PSG8: variants seen among roughly 807,000 people sequenced by gnomAD.
PSG8 encodes pregnancy-specific beta-1-glycoprotein 8.
In PSG8, 57 loss-of-function variants were observed where a neutral mutation model predicts 42.5. That is an observed-to-expected ratio of 1.34 (90% CI 1.08 to 1.67). The LOEUF is 1.67. PSG8 is among the 40% of genes most tolerant of loss of function. The probability of loss-of-function intolerance (pLI) is 0.00; values close to 1 mark genes in which losing one functional copy is unlikely to be tolerated. For synonymous variants in PSG8, 280 were observed against 196.8 expected (o/e 1.42, Z -3.54); for missense variants, 783 against 518.6 (o/e 1.51, Z -4.95).
intron 2 of PSG8, among the ~76,000 whole-genome samples, chr19:42,762,946 T>A (rs1204766977): frequency 1.3e-5 from 2 of 152,104 alleles, no homozygotes; most frequent in Non-Finnish European, 2.9e-5. Flanking sequence ...GTGACCCTGA[T>A]CTCCCCTTTG....
chr19:42,758,418 A>C (rs1481051505), intron 2 of PSG8, 138 bp from the exon 3 acceptor site: 1 of 1,505,432 alleles, frequency 6.6e-7, no homozygotes, highest in Non-Finnish European at 8.9e-7. Context: ...TGTGTGTTGC[A>C]AGACAGATGC....
At chr19:42,756,380 T>A (rs1969927092) in intron 3 of PSG8, among the ~76,000 whole-genome samples, 1 of 152,138 alleles carries the variant, frequency 6.6e-6, no homozygotes, top group Non-Finnish European at 1.5e-5. Flanking sequence ...GTTCTAGAGA[T>A]CTGCTGTAGA....
chr19:42,755,291 T>G lies in PSG8; in HGVS notation c.710-25A>C, dbSNP rs537774806. The stretch of plus-strand genomic sequence containing the variant: ...GCTGTGTGGATAACAGAGAGAAGAT[T>G]GTCCTGTGTGGCACCTTTGATTCCT... On this transcript the variant is annotated intron_variant, in intron 3 of 4. Coordinates refer to ENST00000306511, the MANE Select transcript of PSG8 (RefSeq NM_182707.3). 124 of 1,595,384 alleles carry G rather than the reference T, an allele frequency of 7.8e-5. 1 individual carries two copies. The highest frequency in any genetic ancestry group is 1.0e-4 in the Non-Finnish European group (123 of 1,172,126).
intron 2 of PSG8, among the ~76,000 whole-genome samples, chr19:42,760,222 C>T (rs1457684281): frequency 1.3e-5 from 2 of 152,208 alleles, no homozygotes; most frequent in Non-Finnish European, 2.9e-5. Flanking sequence ...ACACGCAGAA[C>T]TCCAACTTAT....
At chr19:42,764,385 G>A (rs1469154966) in intron 1 of PSG8, 104 bp from the exon 2 acceptor site, 10 of 1,495,396 alleles carry the variant, frequency 6.7e-6, no homozygotes, top group Admixed American at 6.5e-5. Flanking sequence ...CAGCCTTGAA[G>A]ACACAGACAC....
chr19:42,764,810 C>T (rs1970174626), intron 1 of PSG8, among the ~76,000 whole-genome samples: 1 of 152,104 alleles, frequency 6.6e-6, no homozygotes, highest in African/African-American at 2.4e-5. Flanking sequence ...TGGTTGCACC[C>T]CAGTGCCCAG....
intron 2 of PSG8, among the ~76,000 whole-genome samples, chr19:42,762,839 T>A (rs1354799814): frequency 6.6e-6 from 1 of 151,876 alleles, no homozygotes; most frequent in Non-Finnish European, 1.5e-5. Flanking sequence ...AGAAGAGAGG[T>A]TTTGAGCCAA....
chr19:42,762,117 A>G (rs1600418746), intron 2 of PSG8, among the ~76,000 whole-genome samples: 4 of 151,262 alleles, frequency 2.6e-5, no homozygotes, highest in African/African-American at 4.9e-5. Flanking sequence ...AGGGAACAGA[A>G]CAGCCAGCCT....
chr19:42,759,085 T>G (rs895678712), intron 2 of PSG8: 2 of 152,192 alleles, frequency 1.3e-5, no homozygotes, highest in Non-Finnish European at 1.5e-5. Flanking sequence ...TGTGGATGTT[T>G]GCAAATGCAG....
chr19:42,755,416 T>C, intron 3 of PSG8, 150 bp from the exon 4 acceptor site: 1 of 1,424,130 alleles, frequency 7.0e-7, no homozygotes, highest in South Asian at 1.4e-5. Flanking sequence ...GACAGATGCA[T>C]GATGATCTAA....
intron 4 of PSG8, 134 bp from the exon 5 acceptor site, chr19:42,754,721 C>T: frequency 1.5e-6 from 2 of 1,313,214 alleles, no homozygotes; most frequent in Non-Finnish European, 2.1e-6. Flanking sequence ...TCTATGTTCA[C>T]TGAGCCGAAT....
At position 42,764,141 on chromosome 19, in the gene PSG8, TG is replaced by T. The variant is rs547950171; in HGVS notation, c.204del (p.Tyr68Ter). ...TGGTAGAGGTCCCTGATTTGCCCTTTGTACCAGATGTAGCCAGTAAGATTCT... is the reference window on the plus strand; with the variant it reads ...TGGTAGAGGTCCCTGATTTGCCCTTTTACCAGATGTAGCCAGTAAGATTCT... Reference protein sequence around the residue: ...LPQNLTGYIWYKGQIRDLYHY... With the variant: ...LPQNLTGYIWXKGQIRDLYHY... On this transcript the variant is annotated frameshift_variant, in exon 2 of 5. Coordinates refer to ENST00000306511, the MANE Select transcript of PSG8 (RefSeq NM_182707.3). LOFTEE classifies it high-confidence loss of function. 1 of 1,613,920 alleles carries T rather than the reference TG, an allele frequency of 6.2e-7. No individual in the cohort carries two copies. Among genetic ancestry groups the T allele is most frequent in the South Asian group, 1.1e-5 (1 of 91,068 alleles).
intron 2 of PSG8, among the ~76,000 whole-genome samples, chr19:42,759,318 T>G (rs1440564676): frequency 6.6e-6 from 1 of 152,162 alleles, no homozygotes; most frequent in South Asian, 2.1e-4. Context: ...TTCTACGAGC[T>G]GGGATCAGGG....
Position 42,755,090 on chromosome 19 carries a change from T to G in PSG8, c.886A>C (p.Ile296Leu). Residue 296 changes from isoleucine (I) to leucine (L), a missense_variant, in exon 4 of 5, where the codon ATT becomes CTT. Transcript: ENST00000306511. Reference protein sequence around the residue: ...VKRPIENRILILPSVTRNETG... With the variant: ...VKRPIENRILLLPSVTRNETG... ...TCATTTCTCGTGACACTGGGTAGAA[T>G]GAGGATCCTGTTTTCAATGGGTCGC... The G allele has an allele frequency of 1.2e-6, 2 of 1,612,176 alleles. No individual in the cohort carries two copies. The highest frequency in any genetic ancestry group is 2.2e-5 in the South Asian group (2 of 90,994).
chr19:42,765,259 T>A (rs1269160958), intron 1 of PSG8, among the ~76,000 whole-genome samples: 5 of 151,974 alleles, frequency 3.3e-5, no homozygotes, highest in African/African-American at 1.2e-4. Flanking sequence ...TTCACGTGAT[T>A]CTTCTGCCTC....
chr19:42,757,795 T>C lies in PSG8; in HGVS notation c.709+207A>G, dbSNP rs544948183. On this transcript the variant is annotated intron_variant, in intron 3 of 4. Transcript: ENST00000306511. ...CATCACAAGCTGTGGACGCTGAGTC[T>C]CCCATGACAGGAGCAGCCTCTTTTC... Among the ~76,000 whole-genome samples the C allele has an allele frequency of 7.2e-5, 11 of 152,172 alleles. 1 individual carries two copies. The highest frequency in any genetic ancestry group is 2.0e-4 in the Admixed American group (3 of 15,284).
intron 2 of PSG8, among the ~76,000 whole-genome samples, chr19:42,763,499 G>A (rs1304315488): frequency 6.6e-6 from 1 of 152,166 alleles, no homozygotes; most frequent in Non-Finnish European, 1.5e-5. Flanking sequence ...GATTTATCTG[G>A]AGCAAGGATT....
chr19:42,763,578 AG>A (rs1970131073), intron 2 of PSG8: 49 of 381,654 alleles, frequency 1.3e-4, no homozygotes, highest in South Asian at 1.3e-3. Context: ...GGGGCTCCTC[AG>A]GCCAAGCCCT....
intron 3 of PSG8, 171 bp from the exon 4 acceptor site, chr19:42,755,437 A>G (rs924503085): frequency 1.5e-6 from 2 of 1,351,770 alleles, no homozygotes; most frequent in South Asian, 1.4e-5. Context: ...GGGCTCAAAG[A>G]CTATGAGGCC....
Sources: gnomAD v4.1 joint callset for allele counts (sites outside exome capture counted in the v4.1 genomes callset) on GRCh38, gnomAD v4.1.1 for gene constraint, MANE v1.5 for transcripts, NCBI Gene and HGNC (gene_info 2026-07-23, HGNC 2026-07-21) for gene names.